Variants in TUSC3 observed in about 807,000 individuals in gnomAD.
TUSC3 encodes the protein tumor suppressor candidate 3.
TUSC3 carries 45 observed loss-of-function variants against 44.8 expected under a neutral mutation model. That is an observed-to-expected ratio of 1.00 (90% CI 0.79 to 1.29). The LOEUF is 1.29. Among genes scored for constraint, TUSC3 ranks in the 50% most tolerant of loss-of-function variants. TUSC3 has a pLI of 0.00. For missense variants in TUSC3, 519 were observed against 437.9 expected (o/e 1.19, Z -1.65); for synonymous variants, 212 against 152.9 (o/e 1.39, Z -2.85).
At chr8:15,522,325 C>T (rs994560840) in intron 2 of TUSC3, among the ~76,000 whole-genome samples, 8 of 151,958 alleles carry the variant, frequency 5.3e-5, no homozygotes, top group Admixed American at 3.3e-4. Context: ...CTCTGCCTCC[C>T]GGGTTCAAGC....
intron 6 of TUSC3, among the ~76,000 whole-genome samples, chr8:15,694,809 T>C (rs572549838): frequency 1.2e-4 from 18 of 152,260 alleles, no homozygotes; most frequent in African/African-American, 4.1e-4. Context: ...GGGTGAGTTG[T>C]TCCCAGATTG....
chr8:15,637,761 C>G (rs148801347), intron 2 of TUSC3, among the ~76,000 whole-genome samples: 6 of 152,104 alleles, frequency 3.9e-5, no homozygotes, highest in South Asian at 4.2e-4. Flanking sequence ...ATTCAAGTAC[C>G]CTTTCTGCTC....
intron 1 of TUSC3, among the ~76,000 whole-genome samples, chr8:15,441,743 A>G (rs1451593540): frequency 1.3e-5 from 2 of 151,828 alleles, no homozygotes; most frequent in South Asian, 2.1e-4. Context: ...GGGGGTATGT[A>G]TTGAAGCAGT....
chr8:15,709,459 C>G (rs1193294797), intron 6 of TUSC3, among the ~76,000 whole-genome samples: 1 of 151,844 alleles, frequency 6.6e-6, no homozygotes, highest in Non-Finnish European at 1.5e-5. Flanking sequence ...AATCCATATT[C>G]TTATATGTAT....
At chr8:15,704,364 G>T (rs1299389841) in intron 6 of TUSC3, among the ~76,000 whole-genome samples, 1 of 151,830 alleles carries the variant, frequency 6.6e-6, no homozygotes, top group Non-Finnish European at 1.5e-5. Flanking sequence ...GTGCTGTGGG[G>T]CAGGGGCAAG....
chr8:15,789,026 C>T, the TUSC3 span, among the ~76,000 whole-genome samples: 3 of 152,214 alleles, frequency 2.0e-5, no homozygotes, highest in Non-Finnish European at 4.4e-5. Flanking sequence ...GGCTTAGCTT[C>T]ACATATGCTT....
At chr8:15,811,056 A>G in the TUSC3 span, among the ~76,000 whole-genome samples, 1 of 151,844 alleles carries the variant, frequency 6.6e-6, no homozygotes, top group Non-Finnish European at 1.5e-5. Flanking sequence ...AGGAAAGGAA[A>G]GAAAAGGGGG....
At chr8:15,711,980 A>C (rs1326454237) in intron 6 of TUSC3, among the ~76,000 whole-genome samples, 1 of 151,912 alleles carries the variant, frequency 6.6e-6, no homozygotes, top group African/African-American at 2.4e-5. Flanking sequence ...TATTGTTGTG[A>C]TTTGTTCAGA....
chr8:15,837,932 G>A, the TUSC3 span, among the ~76,000 whole-genome samples: 37 of 152,268 alleles, frequency 2.4e-4, no homozygotes, highest in African/African-American at 8.4e-4. Flanking sequence ...ATCTTTACCA[G>A]GAGTTTGCAT....
intron 1 of TUSC3, among the ~76,000 whole-genome samples, chr8:15,601,279 TC>T (rs989127143): frequency 6.6e-6 from 1 of 151,558 alleles, no homozygotes; most frequent in East Asian, 1.9e-4. Context: ...ATGCATTGTT[TC>T]CCCCCCGTTG....
chr8:15,704,547 T>A (rs1021877276), intron 6 of TUSC3, among the ~76,000 whole-genome samples: 1 of 152,186 alleles, frequency 6.6e-6, no homozygotes, highest in Non-Finnish European at 1.5e-5. Flanking sequence ...CTTTATTGGT[T>A]CTTTGTTCTC....
the TUSC3 span, among the ~76,000 whole-genome samples, chr8:15,817,359 G>C: frequency 2.9e-5 from 4 of 136,602 alleles, no homozygotes; most frequent in African/African-American, 1.1e-4. Flanking sequence ...AAAAAAAAAA[G>C]AAGGCTTGAA....
chr8:15,504,116 A>G (rs964524840), intron 2 of TUSC3, among the ~76,000 whole-genome samples: 2 of 152,186 alleles, frequency 1.3e-5, no homozygotes, highest in South Asian at 4.1e-4. Context: ...ACATGCTTCC[A>G]GCAAAAGAAA....
the TUSC3 span, among the ~76,000 whole-genome samples, chr8:15,813,351 G>C: frequency 6.7e-6 from 1 of 149,370 alleles, no homozygotes; most frequent in African/African-American, 2.5e-5. Context: ...ACCATTAAGA[G>C]TATTGGTGAT....
At chr8:15,716,044 TAAG>T (rs1461209335) in intron 6 of TUSC3, among the ~76,000 whole-genome samples, 4 of 151,976 alleles carry the variant, frequency 2.6e-5, no homozygotes, top group South Asian at 4.1e-4. Flanking sequence ...TCACTTGAGA[TAAG>T]GAGTTCAAGA....
intron 1 of TUSC3, among the ~76,000 whole-genome samples, chr8:15,457,814 TA>T (rs1214712852): frequency 2.0e-4 from 13 of 64,000 alleles, no homozygotes; most frequent in Admixed American, 1.5e-3. Context: ...AATAATTTAT[TA>T]GATAATTAAT....
intron 2 of TUSC3, among the ~76,000 whole-genome samples, chr8:15,515,064 G>T (rs367770114): frequency 1.3e-5 from 2 of 151,946 alleles, no homozygotes; most frequent in East Asian, 1.9e-4. Flanking sequence ...CTTTTCCACC[G>T]ATGGAAAAGA....
At chr8:15,444,998 C>G (rs568314540) in intron 1 of TUSC3, among the ~76,000 whole-genome samples, 6 of 152,156 alleles carry the variant, frequency 3.9e-5, no homozygotes, top group East Asian at 1.9e-4. Context: ...TTTTCCTGTG[C>G]TATGTCAGTT....
chr8:15,455,909 T>TATTCCTGCAG (rs1312703127), intron 1 of TUSC3, among the ~76,000 whole-genome samples: 1 of 152,232 alleles, frequency 6.6e-6, no homozygotes, highest in Non-Finnish European at 1.5e-5. Flanking sequence ...CTTCCCCATT[T>TATTCCTGCAG]ATTCCTGCAG....
Sources: gnomAD v4.1 joint callset for allele counts (sites outside exome capture counted in the v4.1 genomes callset) on GRCh38, gnomAD v4.1.1 for gene constraint, MANE v1.5 for transcripts, NCBI Gene and HGNC (gene_info 2026-07-23, HGNC 2026-07-21) for gene names.